Variants in ZDHHC14 observed in about 807,000 individuals in gnomAD.
ZDHHC14 encodes palmitoyltransferase ZDHHC14.
In ZDHHC14, 16 loss-of-function variants were observed where a neutral mutation model predicts 47.7. The ratio of observed to expected loss-of-function variants is 0.34; its 90% CI spans 0.23 to 0.51. The LOEUF (loss-of-function observed/expected upper bound fraction) is 0.51. Ranked by LOEUF, ZDHHC14 falls within the 20% of genes least tolerant of loss-of-function variation. The probability of loss-of-function intolerance (pLI) is 0.97; values close to 1 mark genes in which losing one functional copy is unlikely to be tolerated. For synonymous variants in ZDHHC14, 293 were observed against 278.9 expected (o/e 1.05, Z -0.50); for missense variants, 515 against 662.5 (o/e 0.78, Z 2.44).
At chr6:157,551,136 C>T (rs1225095026) in intron 2 of ZDHHC14, among the ~76,000 whole-genome samples, 1 of 152,144 alleles carries the variant, frequency 6.6e-6, no homozygotes, top group African/African-American at 2.4e-5. Context: ...ATTCCAGGCC[C>T]ACCCCTACCC....
Position 157,494,037 on chromosome 6 carries a change from G to C in ZDHHC14, c.246-48548G>C, listed in dbSNP as rs573501284. ...GTACCCTTGTTTGTAAAGAAGAGTG[G>C]TCCTCCCCGCAGGAGCCCTGCAGGG... On this transcript the variant is annotated intron_variant, in intron 1 of 8. Coordinates refer to ENST00000359775, the MANE Select transcript of ZDHHC14 (RefSeq NM_024630.3). 3.9e-5 allele frequency among the ~76,000 whole-genome samples: 6 copies of C among 152,336 alleles called. No individual in the cohort carries two copies. The East Asian group carries it at 1.2e-3, about 29-fold the overall frequency.
intron 3 of ZDHHC14, among the ~76,000 whole-genome samples, chr6:157,608,396 C>G (rs1172825218): frequency 1.3e-5 from 2 of 151,726 alleles, no homozygotes; most frequent in Admixed American, 6.6e-5. Flanking sequence ...ACCGGTGGTA[C>G]AGGGAGGTGA....
chr6:157,450,608 T>C (rs974375104), intron 1 of ZDHHC14, among the ~76,000 whole-genome samples: 6 of 151,988 alleles, frequency 3.9e-5, no homozygotes. Context: ...GGTCTGGAAC[T>C]AACCAGCCCG....
intron 1 of ZDHHC14, among the ~76,000 whole-genome samples, chr6:157,474,908 T>C (rs1485076633): frequency 6.6e-6 from 1 of 151,840 alleles, no homozygotes; most frequent in Non-Finnish European, 1.5e-5. Context: ...CAGTTTGATG[T>C]AACCCCATCT....
intron 1 of ZDHHC14, among the ~76,000 whole-genome samples, chr6:157,438,452 C>T (rs1352946972): frequency 6.6e-6 from 1 of 152,220 alleles, no homozygotes; most frequent in African/African-American, 2.4e-5. Flanking sequence ...CAGCAAGACT[C>T]TTGAAGACAA....
intron 1 of ZDHHC14, among the ~76,000 whole-genome samples, chr6:157,443,605 G>T (rs548991188): frequency 6.6e-6 from 1 of 152,302 alleles, no homozygotes; most frequent in East Asian, 1.9e-4. Context: ...TGCCATCACT[G>T]GTGGTGAAAC....
chr6:157,603,347 A>G (rs1784412041), intron 3 of ZDHHC14, among the ~76,000 whole-genome samples: 1 of 152,262 alleles, frequency 6.6e-6, no homozygotes, highest in Non-Finnish European at 1.5e-5. Context: ...ACAAGGTCGT[A>G]GCACTCAGGA....
intron 1 of ZDHHC14, among the ~76,000 whole-genome samples, chr6:157,442,300 T>C (rs1202431955): frequency 6.6e-6 from 1 of 152,166 alleles, no homozygotes; most frequent in African/African-American, 2.4e-5. Flanking sequence ...GGAGAATCAT[T>C]TGAGCCCCGG....
intron 1 of ZDHHC14, among the ~76,000 whole-genome samples, chr6:157,383,515 A>G (rs1777254159): frequency 6.6e-6 from 1 of 152,162 alleles, no homozygotes; most frequent in African/African-American, 2.4e-5. Flanking sequence ...GAAATGAATG[A>G]TCTCTTGACA....
chr6:157,669,806 C>A (rs536651480), intron 8 of ZDHHC14, among the ~76,000 whole-genome samples: 1 of 152,374 alleles, frequency 6.6e-6, no homozygotes, highest in African/African-American at 2.4e-5. Flanking sequence ...TCTGAAGCGG[C>A]AGCTCCGCCC....
At chr6:157,395,844 A>G (rs185434721) in intron 1 of ZDHHC14, among the ~76,000 whole-genome samples, 2 of 152,198 alleles carry the variant, frequency 1.3e-5, no homozygotes, top group East Asian at 3.9e-4. Context: ...TCTGTTACAT[A>G]TAGTGATAGA....
At chr6:157,543,644 T>C (rs1781854726) in intron 2 of ZDHHC14, among the ~76,000 whole-genome samples, 1 of 152,270 alleles carries the variant, frequency 6.6e-6, no homozygotes, top group African/African-American at 2.4e-5. Flanking sequence ...GTGCCTATTC[T>C]GGTCCTACCA....
intron 1 of ZDHHC14, among the ~76,000 whole-genome samples, chr6:157,503,234 G>A (rs1583716831): frequency 6.6e-6 from 1 of 152,134 alleles, no homozygotes; most frequent in Non-Finnish European, 1.5e-5. Flanking sequence ...GCTTCTCCTC[G>A]TGGGCCCAGG....
intron 1 of ZDHHC14, among the ~76,000 whole-genome samples, chr6:157,423,581 A>G (rs1289778088): frequency 6.6e-6 from 1 of 152,224 alleles, no homozygotes; most frequent in African/African-American, 2.4e-5. Flanking sequence ...TTCGGCATGT[A>G]TAACACTGAG....
chr6:157,645,941 C>T (rs922400152), intron 6 of ZDHHC14, 102 bp downstream of exon 6: 11 of 997,336 alleles, frequency 1.1e-5, no homozygotes, highest in African/African-American at 9.7e-5. Flanking sequence ...CCATACATCC[C>T]GTTCCAGATG....
At chr6:157,405,787 C>T (rs577196483) in intron 1 of ZDHHC14, among the ~76,000 whole-genome samples, 4 of 152,150 alleles carry the variant, frequency 2.6e-5, no homozygotes, top group South Asian at 2.1e-4. Context: ...CTCTAGTTAG[C>T]GCTTTGATGT....
At chr6:157,461,600 G>C (rs1031668989) in intron 1 of ZDHHC14, among the ~76,000 whole-genome samples, 2 of 152,294 alleles carry the variant, frequency 1.3e-5, no homozygotes, top group Admixed American at 6.5e-5. Context: ...TGTAACAGCA[G>C]CTACACCTTG....
intron 1 of ZDHHC14, among the ~76,000 whole-genome samples, chr6:157,477,854 T>TA (rs771813993): frequency 2.6e-5 from 4 of 152,344 alleles, no homozygotes; most frequent in Admixed American, 1.3e-4. Flanking sequence ...AACAGGAACG[T>TA]AGAAAGGTTT....
intron 1 of ZDHHC14, among the ~76,000 whole-genome samples, chr6:157,424,313 C>T (rs756132711): frequency 1.7e-4 from 26 of 152,108 alleles, no homozygotes; most frequent in Non-Finnish European, 3.1e-4. Context: ...GCCTTCAGGA[C>T]TTATTTGTTT....
Sources: allele counts gnomAD v4.1 joint callset (sites outside exome capture counted in the v4.1 genomes callset), GRCh38; gene constraint gnomAD v4.1.1; transcripts MANE v1.5; gene names NCBI Gene and HGNC (gene_info 2026-07-23, HGNC 2026-07-21).